The following DAO variants were observed in gnomAD, a reference collection of about 807,000 sequenced individuals.
DAO encodes the protein D-amino-acid oxidase.
DAO carries 51 observed loss-of-function variants against 50.1 expected under a neutral mutation model. The ratio of observed to expected loss-of-function variants is 1.02; its 90% CI spans 0.81 to 1.29. The LOEUF is 1.29. Ranked by LOEUF, DAO falls within the 50% of genes most tolerant of loss-of-function variation. The pLI, the probability that DAO is intolerant of heterozygous loss-of-function variation, is 0.00. For synonymous variants in DAO, 160 were observed against 166.2 expected, an observed-to-expected ratio of 0.96 and a Z score of 0.29; for missense variants, 436 against 439.4, an observed-to-expected ratio of 0.99 and a Z score of 0.07.
At chr12:108,887,972 T>A (rs7967441) in intron 3 of DAO, among the ~76,000 whole-genome samples, 1 of 152,050 alleles carries the variant, frequency 6.6e-6, no homozygotes. Context: ...ATGTGCCAGG[T>A]CCAGTCCTAA....
At chr12:108,882,241 G>C (rs2039389270) in intron 1 of DAO, among the ~76,000 whole-genome samples, 1 of 152,162 alleles carries the variant, frequency 6.6e-6, no homozygotes, top group South Asian at 2.1e-4. Flanking sequence ...GGTCGGGCAT[G>C]GTGGCTCACG....
intron 7 of DAO, among the ~76,000 whole-genome samples, chr12:108,894,708 T>C (rs1353611403): frequency 3.9e-5 from 6 of 152,052 alleles, no homozygotes; most frequent in African/African-American, 9.7e-5. Flanking sequence ...TTATTAATTG[T>C]GTTATTATTA....
intron 1 of DAO, 125 bp downstream of exon 1, chr12:108,880,349 A>G: frequency 2.9e-6 from 1 of 340,970 alleles, no homozygotes; most frequent in Non-Finnish European, 5.8e-6. Flanking sequence ...GTGACAGGAA[A>G]GGAGAGATCC....
chr12:108,881,589 T>C lies in DAO; in HGVS notation c.-10+1365T>C, dbSNP rs1351058928. 4.1e-5 allele frequency among the ~76,000 whole-genome samples: 6 copies of C among 147,218 alleles called. No individual in the cohort carries two copies. In the Admixed American group the frequency reaches 4.4e-4, roughly 11 times the overall value. On this transcript the variant is annotated intron_variant, in intron 1 of 10. Coordinates refer to ENST00000228476, the MANE Select transcript of DAO (RefSeq NM_001917.5). ...GATAATTGACTTAGGACTCACACTT[T>C]TTTCCTTTTAAATTTTTTTTTTTTT...
At chr12:108,884,606 G>C (rs1337641026) in intron 1 of DAO, among the ~76,000 whole-genome samples, 1 of 152,146 alleles carries the variant, frequency 6.6e-6, no homozygotes, top group Admixed American at 6.6e-5. Flanking sequence ...AAAGTTAACG[G>C]CCAGTAGGTG....
chr12:108,893,124 A>G (rs2039510254), intron 6 of DAO, 88 bp downstream of exon 6: 7 of 1,217,776 alleles, frequency 5.7e-6, no homozygotes, highest in Non-Finnish European at 3.6e-6. Flanking sequence ...CTCCCTTCTC[A>G]GGCTCCTAGG....
Position 108,890,727 on chromosome 12 carries a change from A to T in DAO, c.452+454A>T, listed in dbSNP as rs2137351148. On this transcript the variant is annotated intron_variant, in intron 5 of 10. Coordinates refer to ENST00000228476, the MANE Select transcript of DAO (RefSeq NM_001917.5). ...GCTTTGACTTGTTCCTCATGTTAATAGGAATCTTGCAGTGTTCTAAATTAG... is the reference window on the plus strand; with the variant it reads ...GCTTTGACTTGTTCCTCATGTTAATTGGAATCTTGCAGTGTTCTAAATTAG... Among the ~76,000 whole-genome samples, 2 of 152,276 alleles carry T rather than the reference A, an allele frequency of 1.3e-5. 1 individual carries two copies. The highest frequency in any genetic ancestry group is 3.9e-4 in the East Asian group (2 of 5,184).
At position 108,898,768 on chromosome 12, in the gene DAO, G is replaced by C. The variant is rs200651853; in HGVS notation, c.785G>C (p.Gly262Ala). The C allele has an allele frequency of 6.2e-7, 1 of 1,613,898 alleles. No homozygotes were observed. The highest frequency in any genetic ancestry group is 8.5e-7 in the Non-Finnish European group (1 of 1,179,918). Residue 262 changes from glycine to alanine, a missense_variant, in exon 9 of 11, where the codon GGC becomes GCC. Transcript: ENST00000228476. ...CAGGACCACAACACCATTTGGGAAG[G>C]CTGCTGCAGACTGGAGCCCACACTG... is the stretch of plus-strand genomic sequence containing the variant. ...NIQDHNTIWE[G>A]CCRLEPTLKN...
intron 3 of DAO, among the ~76,000 whole-genome samples, 178 bp downstream of exon 3, chr12:108,887,742 T>C (rs2039450346): frequency 6.6e-6 from 1 of 152,208 alleles, no homozygotes; most frequent in Non-Finnish European, 1.5e-5. Context: ...AAATTATTTT[T>C]GTTTTACATT....
chr12:108,881,192 A>G (rs2039373976), intron 1 of DAO, among the ~76,000 whole-genome samples: 1 of 151,024 alleles, frequency 6.6e-6, no homozygotes, highest in Non-Finnish European at 1.5e-5. Context: ...ACACACACAC[A>G]CACACAAATA....
At chr12:108,890,593 A>G (rs181133172) in intron 5 of DAO, among the ~76,000 whole-genome samples, 2 of 152,320 alleles carry the variant, frequency 1.3e-5, no homozygotes, top group East Asian at 3.9e-4. Flanking sequence ...ATCATCTGCA[A>G]AACATAAGCT....
In DAO at chr12:108,885,442, C is replaced by G. The variant is rs192353370; in HGVS notation, c.194+242C>G. Among the ~76,000 whole-genome samples, 12 of 152,212 alleles carry G rather than the reference C, an allele frequency of 7.9e-5. No individual in the cohort carries two copies. The East Asian group carries it at 2.3e-3, about 29-fold the overall frequency. ...TGGGCAACGTGGTGAAACCCCATCT[C>G]TACCAAAAATACAAAAAATTAGCCG... On this transcript the variant is annotated intron_variant, in intron 2 of 10. Transcript: ENST00000228476.
intron 1 of DAO, among the ~76,000 whole-genome samples, chr12:108,882,653 T>C (rs547421888): frequency 1.3e-5 from 2 of 152,282 alleles, no homozygotes; most frequent in Admixed American, 6.5e-5. Flanking sequence ...CTGGGCAAGC[T>C]GGGGAGGTTG....
intron 5 of DAO, 149 bp downstream of exon 5, chr12:108,890,422 T>A: frequency 1.4e-6 from 1 of 692,376 alleles, no homozygotes; most frequent in East Asian, 2.8e-5. Flanking sequence ...TTGGTCCTGA[T>A]CACCGCTGGG....
chr12:108,890,351 C>A, intron 5 of DAO, 78 bp downstream of exon 5: 1 of 1,127,740 alleles, frequency 8.9e-7, no homozygotes, highest in South Asian at 1.2e-5. Flanking sequence ...GTGGGCTTCC[C>A]TCAGCATGGA....
intron 2 of DAO, among the ~76,000 whole-genome samples, chr12:108,885,824 G>A (rs544553778): frequency 6.6e-6 from 1 of 152,210 alleles, no homozygotes; most frequent in African/African-American, 2.4e-5. Context: ...GCGTGATCCT[G>A]GCTCACTGCA....
intron 7 of DAO, among the ~76,000 whole-genome samples, chr12:108,896,317 G>A (rs1315256263): frequency 6.6e-6 from 1 of 150,534 alleles, no homozygotes; most frequent in African/African-American, 2.5e-5. Context: ...CAGCTACTCG[G>A]GAGGCTGACG....
chr12:108,893,497 G>A (rs1246213726), intron 6 of DAO, among the ~76,000 whole-genome samples: 1 of 152,090 alleles, frequency 6.6e-6, no homozygotes, highest in Non-Finnish European at 1.5e-5. Flanking sequence ...TTTACTGTAT[G>A]GCTTCATTCA....
chr12:108,898,289 T>C lies in DAO; in HGVS notation c.696-390T>C, dbSNP rs114135606. On this transcript the variant is annotated intron_variant, in intron 8 of 10. Coordinates refer to ENST00000228476, the MANE Select transcript of DAO (RefSeq NM_001917.5). ...GTGCTGATGGAAATGACACTATCAA[T>C]GATGTTAATACTGTAGCAGAGCTGA... 3.3e-3 allele frequency among the ~76,000 whole-genome samples: 508 copies of C among 152,082 alleles called. 3 individuals are homozygous for C. Among genetic ancestry groups the C allele is most frequent in the African/African-American group, 0.011 (443 of 41,470 alleles).
Sources: gnomAD v4.1 joint callset for allele counts (sites outside exome capture counted in the v4.1 genomes callset) on GRCh38, gnomAD v4.1.1 for gene constraint, MANE v1.5 for transcripts, NCBI Gene and HGNC (gene_info 2026-07-23, HGNC 2026-07-21) for gene names.